C1QTNF1: variants seen among roughly 807,000 people sequenced by gnomAD.
C1QTNF1 encodes complement C1q tumor necrosis factor-related protein 1.
Under a neutral mutation model 27.8 loss-of-function variants are expected in C1QTNF1, and 22 were observed. That is an observed-to-expected ratio of 0.79 (90% CI 0.56 to 1.13). The LOEUF is 1.13. Ranked by LOEUF, C1QTNF1 falls within the 50% of genes most tolerant of loss-of-function variation. The pLI, the probability that C1QTNF1 is intolerant of heterozygous loss-of-function variation, is 0.00. For synonymous variants in C1QTNF1, 166 were observed against 154.3 expected, an observed-to-expected ratio of 1.08 and a Z score of -0.56; for missense variants, 373 against 380.2, an observed-to-expected ratio of 0.98 and a Z score of 0.16.
chr17:79,046,521 G>C lies in C1QTNF1; in HGVS notation c.156-34G>C, dbSNP rs773052350. The C allele has an allele frequency of 6.2e-7, 1 of 1,613,106 alleles. No homozygotes were observed. Among genetic ancestry groups the C allele is most frequent in the African/African-American group, 1.3e-5 (1 of 74,912 alleles). On this transcript the variant is annotated intron_variant, in intron 2 of 3. Transcript: ENST00000579760. This position sits in a 1 kb window ranked among gnomAD's most constrained non-coding sequence, Gnocchi z 4.8. ...GAGCAGCGTTTCCAGGCCTGAGAGTGGCTGACTTTCACTGTGATTCTTTAT... is the reference window on the plus strand; with the variant it reads ...GAGCAGCGTTTCCAGGCCTGAGAGTCGCTGACTTTCACTGTGATTCTTTAT...
chr17:79,042,513 G>A (rs2072440813), intron 1 of C1QTNF1, among the ~76,000 whole-genome samples: 1 of 152,234 alleles, frequency 6.6e-6, no homozygotes, highest in South Asian at 2.1e-4. Flanking sequence ...CATCCCTAAA[G>A]TAGATGCCAA....
chr17:79,025,826 C>T, intron 1 of C1QTNF1: 1 of 326,650 alleles, frequency 3.1e-6, no homozygotes, highest in Non-Finnish European at 6.4e-6. Flanking sequence ...CCTCTTAGAG[C>T]TGCAGAGCTG....
intron 1 of C1QTNF1, chr17:79,025,832 A>G: frequency 2.7e-6 from 1 of 367,550 alleles, no homozygotes; most frequent in Non-Finnish European, 5.6e-6. Flanking sequence ...AGAGCTGCAG[A>G]GCTGGAGAGG....
At chr17:79,030,862 G>C (rs532162333) in intron 1 of C1QTNF1, among the ~76,000 whole-genome samples, 109 of 150,984 alleles carry the variant, frequency 7.2e-4, no homozygotes, top group African/African-American at 2.6e-3. Context: ...CGGCCTCCCA[G>C]AGTGCTGGGA....
intron 2 of C1QTNF1, among the ~76,000 whole-genome samples, chr17:79,045,680 GAGA>G (rs959870246): frequency 1.3e-5 from 2 of 152,222 alleles, no homozygotes; most frequent in Non-Finnish European, 2.9e-5. Context: ...AGCTCAGAAA[GAGA>G]AGATTCCAGG....
Position 79,046,933 on chromosome 17 carries a change from G to C in C1QTNF1, c.295+239G>C, listed in dbSNP as rs911949137. On this transcript the variant is annotated intron_variant, in intron 3 of 3. Transcript: ENST00000579760. The surrounding 1 kb of genome is among the most constrained non-coding windows in gnomAD (Gnocchi z 4.8). Reference sequence around the variant, plus strand: ...GGCCCACAGGACCAAGAGCAGGAGAGGGAGCCCAGAGGCTACTCGGGGTCT... The same window carrying C: ...GGCCCACAGGACCAAGAGCAGGAGACGGAGCCCAGAGGCTACTCGGGGTCT... 9 of 564,438 alleles carry C rather than the reference G, an allele frequency of 1.6e-5. No individual in the cohort carries two copies. The highest frequency in any genetic ancestry group is 2.5e-5 in the Non-Finnish European group (8 of 323,556). The allele number at this position is 564,438 out of a possible 1,614,324, so 35.0% of individuals were successfully genotyped here. A position where few individuals can be genotyped will look rare whatever the true frequency, so the allele number is the denominator to read the frequency against.
At chr17:79,023,545 T>G (rs536432815), upstream of C1QTNF1, among the ~76,000 whole-genome samples, 2 of 152,198 alleles carry the variant, frequency 1.3e-5, no homozygotes, top group East Asian at 3.9e-4. Flanking sequence ...GACTGAGGAG[T>G]GCTTCCAGCC....
intron 1 of C1QTNF1, chr17:79,043,297 G>GTA (rs1449230541): frequency 2.2e-6 from 1 of 452,870 alleles, no homozygotes; most frequent in African/African-American, 2.0e-5. Context: ...TGTGATTTGG[G>GTA]TATGTGTGCA....
intron 1 of C1QTNF1, 187 bp from the exon 2 acceptor site, chr17:79,043,768 A>C: frequency 2.9e-6 from 2 of 697,758 alleles, no homozygotes; most frequent in Non-Finnish European, 5.2e-6. Flanking sequence ...GAGTGCGTGT[A>C]TGCATGCATG....
At chr17:79,042,324 A>C (rs1461436208) in intron 1 of C1QTNF1, among the ~76,000 whole-genome samples, 2 of 152,250 alleles carry the variant, frequency 1.3e-5, no homozygotes, top group Non-Finnish European at 2.9e-5. Flanking sequence ...ATGTGGGCCC[A>C]AGTGCCGCCC....
intron 1 of C1QTNF1, among the ~76,000 whole-genome samples, chr17:79,035,621 G>A (rs140621983): frequency 0.023 from 3,561 of 152,194 alleles, 120 homozygotes; most frequent in African/African-American, 0.081. Context: ...AGTAGAGACA[G>A]GGTTTTACCA....
chr17:79,038,195 G>C (rs936417248), intron 1 of C1QTNF1, among the ~76,000 whole-genome samples: 8 of 152,006 alleles, frequency 5.3e-5, no homozygotes, highest in African/African-American at 1.9e-4. Context: ...TCACCATGTT[G>C]GCCAGGCTGG....
chr17:79,031,340 G>C (rs185953578), intron 1 of C1QTNF1, among the ~76,000 whole-genome samples: 5 of 151,990 alleles, frequency 3.3e-5, no homozygotes, highest in African/African-American at 4.8e-5. Context: ...GAAAGAACGC[G>C]TTTACTGGTT....
intron 1 of C1QTNF1, among the ~76,000 whole-genome samples, chr17:79,040,092 G>A (rs574089436): frequency 3.9e-4 from 60 of 152,240 alleles, no homozygotes; most frequent in African/African-American, 1.4e-3. Context: ...GCTAGGGGAC[G>A]TCCCAGCCCT....
chr17:79,031,447 T>C (rs927985815), intron 1 of C1QTNF1, among the ~76,000 whole-genome samples: 1 of 152,052 alleles, frequency 6.6e-6, no homozygotes, highest in African/African-American at 2.4e-5. Context: ...GCACTGTAAA[T>C]TTTTTGTTTT....
Position 79,029,371 on chromosome 17 carries a change from G to A in C1QTNF1, c.-15+4877G>A, listed in dbSNP as rs139749118. On this transcript the variant is annotated intron_variant, in intron 1 of 3. Transcript: ENST00000579760. ...ATCTGAGCTCCAGCACCTCCCCACT[G>A]TGGAACCTGGGGCAAGCGGCTCCAT... is the stretch of plus-strand genomic sequence containing the variant. Among the ~76,000 whole-genome samples, 4 of 152,322 alleles carry A rather than the reference G, an allele frequency of 2.6e-5. No individual in the cohort carries two copies. The East Asian group carries it at 7.7e-4, about 29-fold the overall frequency.
intron 1 of C1QTNF1, among the ~76,000 whole-genome samples, chr17:79,031,601 G>A (rs1205595994): frequency 1.3e-5 from 2 of 151,932 alleles, no homozygotes; most frequent in Admixed American, 6.6e-5. Flanking sequence ...CATGTGCCAT[G>A]CCTGGCTAAA....
At chr17:79,034,036 C>T (rs1202522911) in intron 1 of C1QTNF1, 3 of 152,310 alleles carry the variant, frequency 2.0e-5, no homozygotes, top group African/African-American at 7.2e-5. Context: ...GGATAAAGCC[C>T]TGTCTTATGC....
chr17:79,036,138 A>G (rs2072259743), intron 1 of C1QTNF1, among the ~76,000 whole-genome samples: 1 of 152,236 alleles, frequency 6.6e-6, no homozygotes, highest in South Asian at 2.1e-4. Flanking sequence ...GTTCTATTCT[A>G]TACTTTCCAA....
Sources: gnomAD v4.1 joint callset for allele counts (sites outside exome capture counted in the v4.1 genomes callset) on GRCh38, gnomAD v4.1.1 for gene constraint, Gnocchi (gnomAD v3.1) non-coding constraint, MANE v1.5 for transcripts, NCBI Gene and HGNC (gene_info 2026-07-23, HGNC 2026-07-21) for gene names.